NRG3: variants seen among roughly 807,000 people sequenced by gnomAD.
NRG3 encodes pro-neuregulin-3, membrane-bound isoform.
NRG3 carries 31 observed loss-of-function variants against 66.9 expected under a neutral mutation model. The observed-to-expected ratio is 0.46, with a 90% confidence interval of 0.35 to 0.63. The LOEUF (loss-of-function observed/expected upper bound fraction) is 0.63, where lower values mean the gene tolerates loss of function less well. NRG3 is among the 20% of genes least tolerant of loss of function. NRG3 has a pLI of 0.00. For synonymous variants in NRG3, 393 were observed against 359.4 expected (o/e 1.09, Z -1.06); for missense variants, 910 against 878.9 (o/e 1.04, Z -0.45).
At chr10:82,028,823 C>T (rs532745471) in intron 1 of NRG3, among the ~76,000 whole-genome samples, 7 of 152,060 alleles carry the variant, frequency 4.6e-5, no homozygotes, top group South Asian at 2.1e-4. Context: ...ATGCTCACCC[C>T]GTAAGGATTT....
intron 1 of NRG3, among the ~76,000 whole-genome samples, chr10:82,243,765 C>A (rs2077109533): frequency 6.6e-6 from 1 of 152,072 alleles, no homozygotes; most frequent in South Asian, 2.1e-4. Context: ...AAGTTTTTAA[C>A]CTGGAGGAAA....
intron 2 of NRG3, among the ~76,000 whole-genome samples, chr10:82,643,298 A>T (rs976564762): frequency 6.6e-6 from 1 of 151,984 alleles, no homozygotes; most frequent in Non-Finnish European, 1.5e-5. Flanking sequence ...ATGAGATCTG[A>T]TGGTTTTAAA....
At chr10:82,107,385 A>G (rs994515256) in intron 1 of NRG3, among the ~76,000 whole-genome samples, 1 of 152,216 alleles carries the variant, frequency 6.6e-6, no homozygotes, top group Non-Finnish European at 1.5e-5. Flanking sequence ...CATAAATGGA[A>G]GATGTTGCTG....
At chr10:82,317,390 T>G (rs1021287174) in intron 1 of NRG3, among the ~76,000 whole-genome samples, 7 of 152,162 alleles carry the variant, frequency 4.6e-5, no homozygotes, top group African/African-American at 1.7e-4. Flanking sequence ...TTTGGCACAT[T>G]ACTGGAATGA....
At chr10:82,081,246 C>T (rs552217037) in intron 1 of NRG3, among the ~76,000 whole-genome samples, 2 of 152,200 alleles carry the variant, frequency 1.3e-5, no homozygotes, top group East Asian at 3.9e-4. Flanking sequence ...TCTGACATTC[C>T]AAGAGTAGAG....
Position 82,132,478 on chromosome 10 carries a change from TG to T in NRG3, c.824-226260del, listed in dbSNP as rs1485731686. Among the ~76,000 whole-genome samples, 123 of 89,176 alleles carry T rather than the reference TG, an allele frequency of 1.4e-3. 6 individuals are homozygous for T. The highest frequency in any genetic ancestry group is 5.2e-3 in the African/African-American group (113 of 21,634). The allele number at this position is 89,176 out of a possible 152,430, so 58.5% of individuals were successfully genotyped here. A position where few individuals can be genotyped will look rare whatever the true frequency, so the allele number is the denominator to read the frequency against. The stretch of plus-strand genomic sequence containing the variant: ...ATATATGATATATATGATATATATA[TG>T]ATATATATATATGATATATATATAT... On this transcript the variant is annotated intron_variant, in intron 1 of 8. Coordinates refer to ENST00000372141, the MANE Select transcript of NRG3 (RefSeq NM_001010848.4).
chr10:82,735,792 A>G (rs1565257802), intron 2 of NRG3, among the ~76,000 whole-genome samples: 1 of 152,140 alleles, frequency 6.6e-6, no homozygotes, highest in Non-Finnish European at 1.5e-5. Flanking sequence ...CATTAGTACA[A>G]ATACCTAATG....
rs2295933 is a variant in NRG3, at chr10:82,985,500, C to T, written c.1986C>T (p.Ser662=). 530,880 of 1,613,522 alleles carry T rather than the reference C, an allele frequency of 0.33. 93,603 individuals carry two copies. The highest frequency in any genetic ancestry group is 0.68 in the East Asian group (30,518 of 44,818). The change falls in exon 9 of 9, where the codon AGC becomes AGT. Residue 662 remains serine, a synonymous_variant. Transcript: ENST00000372141. The part of the protein sequence containing the change: ...LASVETEDSA[S]ENTAFLPLSP... ...GCGTAGAAACCGAGGACAGTGCAAG[C>T]GAAAACACAGCCTTTCTCCCCCTGA... is the stretch of plus-strand genomic sequence containing the variant.
intron 1 of NRG3, among the ~76,000 whole-genome samples, chr10:82,096,477 C>T (rs539713882): frequency 1.1e-4 from 16 of 151,276 alleles, no homozygotes; most frequent in East Asian, 5.8e-4. Context: ...TCTCAAAAAA[C>T]GAACAAACAA....
chr10:82,756,331 G>T (rs2059077190), intron 3 of NRG3, among the ~76,000 whole-genome samples: 1 of 152,074 alleles, frequency 6.6e-6, no homozygotes. Context: ...GGTCAGTCAT[G>T]AATAACTTTA....
chr10:82,088,626 T>G (rs2065856670), intron 1 of NRG3, among the ~76,000 whole-genome samples: 1 of 152,126 alleles, frequency 6.6e-6, no homozygotes, highest in Non-Finnish European at 1.5e-5. Context: ...GCAGAGAAGA[T>G]GAGAATCAGA....
chr10:82,851,447 C>A (rs2063556177), intron 3 of NRG3, among the ~76,000 whole-genome samples: 1 of 152,150 alleles, frequency 6.6e-6, no homozygotes. Context: ...TGAAGGTCTT[C>A]TCCCAGACAT....
intron 2 of NRG3, among the ~76,000 whole-genome samples, chr10:82,716,014 CA>C (rs2056950543): frequency 6.6e-6 from 1 of 152,128 alleles, no homozygotes; most frequent in Non-Finnish European, 1.5e-5. Context: ...GCCACACCTC[CA>C]AATACCATCA....
intron 2 of NRG3, among the ~76,000 whole-genome samples, chr10:82,673,492 T>G (rs1591114829): frequency 6.6e-6 from 1 of 152,202 alleles, no homozygotes; most frequent in South Asian, 2.1e-4. Context: ...AACCTATTGA[T>G]GACATTAAGT....
intron 3 of NRG3, among the ~76,000 whole-genome samples, chr10:82,780,620 C>A (rs1321300467): frequency 1.3e-5 from 2 of 151,820 alleles, no homozygotes; most frequent in East Asian, 3.9e-4. Flanking sequence ...TTTCAACAGG[C>A]AGTTACACTG....
intron 4 of NRG3, among the ~76,000 whole-genome samples, chr10:82,916,206 C>T (rs1266286122): frequency 6.6e-6 from 1 of 152,172 alleles, no homozygotes; most frequent in African/African-American, 2.4e-5. Flanking sequence ...GATTTCAGCA[C>T]TTTGGGAGGC....
chr10:82,749,376 T>C (rs1044107135), intron 3 of NRG3, among the ~76,000 whole-genome samples: 1 of 152,036 alleles, frequency 6.6e-6, no homozygotes, highest in Admixed American at 6.6e-5. Flanking sequence ...TGGCCATGGC[T>C]ACCTGCTCAA....
intron 6 of NRG3, among the ~76,000 whole-genome samples, chr10:82,969,329 GAT>G (rs1186668991): frequency 1.4e-4 from 22 of 152,316 alleles, no homozygotes; most frequent in African/African-American, 4.8e-4. Context: ...AAGTCAGACA[GAT>G]ATTCAGGATA....
At chr10:82,042,690 G>A (rs1385597509) in intron 1 of NRG3, among the ~76,000 whole-genome samples, 1 of 152,032 alleles carries the variant, frequency 6.6e-6, no homozygotes, top group East Asian at 1.9e-4. Flanking sequence ...CATCAGTAAT[G>A]TGTAGGAAAC....
Sources: gnomAD v4.1 joint callset for allele counts (sites outside exome capture counted in the v4.1 genomes callset) on GRCh38, gnomAD v4.1.1 for gene constraint, MANE v1.5 for transcripts, NCBI Gene and HGNC (gene_info 2026-07-23, HGNC 2026-07-21) for gene names.